The following STYXL1 variants were observed in gnomAD, a reference collection of about 807,000 sequenced individuals.
STYXL1 encodes serine/threonine/tyrosine interacting like 1.
STYXL1 carries 32 observed loss-of-function variants against 36.4 expected under a neutral mutation model. The observed-to-expected ratio is 0.88, with a 90% CI of 0.66 to 1.18. The LOEUF (loss-of-function observed/expected upper bound fraction) is 1.18, where lower values mean the gene tolerates loss of function less well. Among genes scored for constraint, STYXL1 ranks in the 50% most tolerant of loss-of-function variants. The pLI, the probability that STYXL1 is intolerant of heterozygous loss-of-function variation, is 0.00. For synonymous variants in STYXL1, 133 were observed against 144.1 expected (o/e 0.92, Z 0.55); for missense variants, 354 against 394.1 (o/e 0.90, Z 0.86).
At chr7:75,996,979 G>A (rs1167521422) in intron 8 of STYXL1, among the ~76,000 whole-genome samples, 1 of 152,236 alleles carries the variant, frequency 6.6e-6, no homozygotes, top group African/African-American at 2.4e-5. Flanking sequence ...AGAACTGTGG[G>A]CAAATTCTCT....
intron 7 of STYXL1, among the ~76,000 whole-genome samples, chr7:76,003,311 G>A (rs1307376856): frequency 6.6e-6 from 1 of 152,242 alleles, no homozygotes; most frequent in Non-Finnish European, 1.5e-5. Flanking sequence ...AATCTTGGAA[G>A]TCAGAACTGA....
In STYXL1 at chr7:76,000,218, C is replaced by CAA. The variant is rs35153306; in HGVS notation, c.810+670_810+671dup. The stretch of plus-strand genomic sequence containing the variant: ...TGGGCAACAGAACAAGACTCCATCT[C>CAA]AAAAAAAAAAAAAAAAAAAAAAAAA... On this transcript the variant is annotated intron_variant, in intron 8 of 8. Coordinates refer to ENST00000359697, the MANE Select transcript of STYXL1 (RefSeq NM_001317785.2). Among the ~76,000 whole-genome samples, 432 of 68,602 alleles carry CAA rather than the reference C, an allele frequency of 6.3e-3. 1 individual carries two copies. Among genetic ancestry groups the CAA allele is most frequent in the South Asian group, 0.016 (30 of 1,872 alleles). 45.0% of individuals were successfully genotyped at this position (68,602 alleles called of 152,430 possible).
intron 5 of STYXL1, 41 bp downstream of exon 5, chr7:76,013,701 C>T (rs782675673): frequency 1.1e-5 from 18 of 1,613,246 alleles, no homozygotes; most frequent in Non-Finnish European, 4.2e-6. Context: ...TAGGCCCATC[C>T]TTCCCGTCTG....
intron 7 of STYXL1, 55 bp from the exon 8 acceptor site, chr7:76,001,057 G>C (rs1790862130): frequency 1.4e-6 from 2 of 1,448,282 alleles, no homozygotes; most frequent in Admixed American, 3.4e-5. Flanking sequence ...CTGTGGGCCT[G>C]GGTTGCTGTC....
At chr7:76,032,992 G>A (rs1223402779) in intron 1 of STYXL1, among the ~76,000 whole-genome samples, 2 of 152,074 alleles carry the variant, frequency 1.3e-5, no homozygotes, top group African/African-American at 4.8e-5. Context: ...TCTACGTTAA[G>A]GATCCCGACA....
intron 1 of STYXL1, chr7:76,045,459 G>C (rs1317711265): frequency 6.6e-6 from 1 of 152,238 alleles, no homozygotes; most frequent in Non-Finnish European, 1.5e-5. Flanking sequence ...CACTTTGAGA[G>C]GCTGACTCGG....
rs4732520 is a variant in STYXL1 at position 75,999,538 on chromosome 7, T to A, written c.810+1352A>T. On this transcript the variant is annotated intron_variant, in intron 8 of 8. Coordinates refer to ENST00000359697, the MANE Select transcript of STYXL1 (RefSeq NM_001317785.2). ...GTGTGTGTGTGTGTGTGTGTGTGTG[T>A]GTGTGTGTGTGTGTATATTTTTTTT... Among the ~76,000 whole-genome samples, 814 of 138,522 alleles carry A rather than the reference T, an allele frequency of 5.9e-3. 13 individuals carry two copies. Among genetic ancestry groups the A allele is most frequent in the African/African-American group, 0.018 (651 of 36,100 alleles). 90.9% of individuals were successfully genotyped at this position (138,522 alleles called of 152,430 possible).
intron 4 of STYXL1, among the ~76,000 whole-genome samples, chr7:76,017,841 G>A (rs1793567764): frequency 1.7e-5 from 1 of 58,972 alleles, no homozygotes; most frequent in Non-Finnish European, 3.2e-5. Context: ...ACTCCAACCT[G>A]GGCAACAAGA....
intron 1 of STYXL1, among the ~76,000 whole-genome samples, chr7:76,037,207 T>C (rs1414240247): frequency 2.0e-5 from 3 of 150,372 alleles, no homozygotes; most frequent in Non-Finnish European, 4.5e-5. Context: ...CCTCCCAAAG[T>C]GCTGGGATTA....
chr7:76,017,444 G>T (rs1026077516), intron 4 of STYXL1, among the ~76,000 whole-genome samples: 2 of 152,014 alleles, frequency 1.3e-5, no homozygotes, highest in Non-Finnish European at 2.9e-5. Flanking sequence ...CATCCTAAAC[G>T]AACTAACACA....
chr7:76,031,038 A>G (rs1795269882), intron 1 of STYXL1, among the ~76,000 whole-genome samples: 1 of 151,428 alleles, frequency 6.6e-6, no homozygotes, highest in Non-Finnish European at 1.5e-5. Context: ...GTGCACATCT[A>G]TAGTCCCAGC....
At chr7:76,016,348 ATATC>A (rs1554573863) in intron 4 of STYXL1, among the ~76,000 whole-genome samples, 1 of 150,990 alleles carries the variant, frequency 6.6e-6, no homozygotes, top group Non-Finnish European at 1.5e-5. Context: ...ATATACACGT[ATATC>A]TATACGTATG....
chr7:75,996,343 G>T lies in STYXL1; in HGVS notation c.*125C>A. On this transcript the variant is annotated 3_prime_UTR_variant, in exon 9 of 9. Coordinates refer to ENST00000359697, the MANE Select transcript of STYXL1 (RefSeq NM_001317785.2). ...AAGAATCAGTACAGGAGGCTAACAT[G>T]AGACTTTCAGGCAGCAAAGGCCTTC... The T allele has an allele frequency of 6.3e-7, 1 of 1,582,160 alleles. No homozygotes were observed. Among genetic ancestry groups the T allele is most frequent in the East Asian group, 2.3e-5 (1 of 43,428 alleles).
At chr7:76,041,877 G>T (rs1419595447) in intron 1 of STYXL1, among the ~76,000 whole-genome samples, 1 of 152,236 alleles carries the variant, frequency 6.6e-6, no homozygotes, top group East Asian at 1.9e-4. Context: ...GAGCATGAGA[G>T]AACTTTCTGG....
At chr7:76,000,859 G>A (rs377641407) in intron 8 of STYXL1, 31 bp downstream of exon 8, 10 of 1,593,200 alleles carry the variant, frequency 6.3e-6, no homozygotes, top group Middle Eastern at 1.7e-4. Context: ...GGGGGTGGCC[G>A]TGGTGCGAGC....
intron 3 of STYXL1, among the ~76,000 whole-genome samples, chr7:76,028,025 C>T (rs957900581): frequency 2.0e-5 from 3 of 151,924 alleles, no homozygotes; most frequent in African/African-American, 7.3e-5. Flanking sequence ...TAGGATTGCT[C>T]GAGCCCAGGA....
Position 76,013,780 on chromosome 7 carries a change from G to C in STYXL1, c.415C>G (p.His139Asp). 6.2e-7 allele frequency: 1 copy of C among 1,613,954 alleles called. No homozygotes were observed. The highest frequency in any genetic ancestry group is 8.5e-7 in the Non-Finnish European group (1 of 1,179,952). The change falls in exon 5 of 9, where the codon CAC becomes GAC. Residue 139 changes from histidine to aspartate, a missense_variant. Coordinates refer to ENST00000359697, the MANE Select transcript of STYXL1 (RefSeq NM_001317785.2). ...ATGATCTTCTGGGTCCGGAGAAAGTGGTACGTGCCTGAGAAGCGCTCATAG... is the reference window on the plus strand; with the variant it reads ...ATGATCTTCTGGGTCCGGAGAAAGTCGTACGTGCCTGAGAAGCGCTCATAG... The part of the protein sequence containing the change: ...GGYERFSGTY[H>D]FLRTQKIIWM...
At chr7:76,028,598 G>A (rs370095361) in intron 3 of STYXL1, 44 bp downstream of exon 3, 198 of 1,594,106 alleles carry the variant, frequency 1.2e-4, no homozygotes, top group Non-Finnish European at 1.6e-4. Context: ...CCACCCCACT[G>A]CAAGGTAGCC....
At chr7:76,046,382 T>C (rs1190632111) in intron 1 of STYXL1, among the ~76,000 whole-genome samples, 1 of 149,382 alleles carries the variant, frequency 6.7e-6, no homozygotes, top group Non-Finnish European at 1.5e-5. Flanking sequence ...GTTTAGCTCT[T>C]ATCACCCAGG....
Sources: allele counts gnomAD v4.1 joint callset (sites outside exome capture counted in the v4.1 genomes callset), GRCh38; gene constraint gnomAD v4.1.1; transcripts MANE v1.5; gene names NCBI Gene and HGNC (gene_info 2026-07-23, HGNC 2026-07-21).